SNX4: variants seen among roughly 807,000 people sequenced by gnomAD.
The protein encoded by SNX4 is sorting nexin-4.
In SNX4, 49 loss-of-function variants were observed where a neutral mutation model predicts 70.8. The observed-to-expected ratio is 0.69, with a 90% confidence interval of 0.55 to 0.88. SNX4 has a LOEUF of 0.88. SNX4 is among the 40% of genes least tolerant of loss of function. SNX4 has a pLI of 0.00. For missense variants in SNX4, 528 were observed against 544.8 expected, an observed-to-expected ratio of 0.97 and a Z score of 0.31; for synonymous variants, 206 against 183.8, an observed-to-expected ratio of 1.12 and a Z score of -0.98.
chr3:125,506,359 T>A (rs79087527), intron 1 of SNX4, among the ~76,000 whole-genome samples: 3 of 151,236 alleles, frequency 2.0e-5, no homozygotes, highest in East Asian at 1.9e-4. Context: ...TTTTTTTTTT[T>A]AGACAGAGTC....
rs147600768 is a variant in SNX4 at position 125,513,086 on chromosome 3, T to C, written c.141+6946A>G. On this transcript the variant is annotated intron_variant, in intron 1 of 13. Coordinates refer to ENST00000251775, the MANE Select transcript of SNX4 (RefSeq NM_003794.4). ...TGTTTGTGTCCTCCTAAAATGTGTA[T>C]GTTAAAATCCTAACACTCAAGGTGA... Among the ~76,000 whole-genome samples the C allele has an allele frequency of 4.4e-3, 676 of 152,294 alleles. 7 individuals are homozygous for C. The highest frequency in any genetic ancestry group is 0.016 in the African/African-American group (647 of 41,572).
rs1336727998 is a variant in SNX4, at chr3:125,497,342, T to C, written c.596A>G (p.Lys199Arg). ...ETVNETGFQL[K>R]ADSRLKALNA... is the part of the protein sequence containing the mutation. ...CAAATTTCATATAAATATTCTTACC[T>C]TCAGCTGAAACCCAGTTTCATTCAC... is the stretch of plus-strand genomic sequence containing the variant. Residue 199 changes from lysine (K) to arginine (R), a missense_variant and splice_region_variant, in exon 5 of 14, where the codon AAG becomes AGG. Lys to Arg is a conservative substitution (Grantham distance 26). Transcript: ENST00000251775. 6.2e-7 allele frequency: 1 copy of C among 1,604,398 alleles called. No individual in the cohort carries two copies. The highest frequency in any genetic ancestry group is 8.5e-7 in the Non-Finnish European group (1 of 1,172,308).
chr3:125,469,397 T>C (rs1934112135), intron 9 of SNX4, 57 bp downstream of exon 9: 2 of 1,140,556 alleles, frequency 1.8e-6, no homozygotes, highest in Non-Finnish European at 2.7e-6. Context: ...GAAGAGTCAC[T>C]AATGCTTCAC....
At chr3:125,451,819 G>T (rs943542401) in intron 12 of SNX4, among the ~76,000 whole-genome samples, 2 of 152,030 alleles carry the variant, frequency 1.3e-5, no homozygotes, top group African/African-American at 4.8e-5. Context: ...TAGAGACAGG[G>T]TTTCACCATG....
intron 12 of SNX4, 128 bp downstream of exon 12, chr3:125,453,682 A>G (rs1264879421): frequency 1.2e-6 from 1 of 831,998 alleles, no homozygotes; most frequent in Non-Finnish European, 1.7e-6. Context: ...TGCATTTTAA[A>G]GGAATAGGCT....
chr3:125,480,601 A>G (rs1055643488), intron 6 of SNX4, among the ~76,000 whole-genome samples: 2 of 152,252 alleles, frequency 1.3e-5, no homozygotes, highest in African/African-American at 4.8e-5. Flanking sequence ...TTGAAAATAC[A>G]AAACAGGAAA....
At chr3:125,485,580 G>A (rs555365915) in intron 6 of SNX4, among the ~76,000 whole-genome samples, 1 of 152,232 alleles carries the variant, frequency 6.6e-6, no homozygotes, top group African/African-American at 2.4e-5. Flanking sequence ...TTAGAGACAT[G>A]AGCCACCGTG....
chr3:125,485,306 CT>C (rs996002876), intron 6 of SNX4, among the ~76,000 whole-genome samples: 18 of 147,904 alleles, frequency 1.2e-4, no homozygotes, highest in Admixed American at 2.0e-4. Context: ...TATGGCTTTC[CT>C]TTTTTTTTTA....
At chr3:125,450,496 T>C (rs1933545439) in intron 13 of SNX4, among the ~76,000 whole-genome samples, 1 of 152,250 alleles carries the variant, frequency 6.6e-6, no homozygotes, top group Non-Finnish European at 1.5e-5. Flanking sequence ...TGAGAATTCA[T>C]CTTACCATGT....
rs114522205 is a variant in SNX4 at position 125,479,692 on chromosome 3, G to C, written c.726+555C>G. On this transcript the variant is annotated intron_variant, in intron 7 of 13. Transcript: ENST00000251775. ...CATGTTCTAAGGTTCCTTCTAGGTTGCCACAAGAGACCAGAGCGGATGGTA... is the reference window on the plus strand; with the variant it reads ...CATGTTCTAAGGTTCCTTCTAGGTTCCCACAAGAGACCAGAGCGGATGGTA... Among the ~76,000 whole-genome samples, 871 of 152,186 alleles carry C rather than the reference G, an allele frequency of 5.7e-3. 8 individuals are homozygous for C. Among genetic ancestry groups the C allele is most frequent in the Middle Eastern group, 0.027 (8 of 294 alleles).
chr3:125,463,819 T>C (rs1579978977), intron 9 of SNX4, among the ~76,000 whole-genome samples: 2 of 152,208 alleles, frequency 1.3e-5, no homozygotes, highest in African/African-American at 4.8e-5. Context: ...GATCTATTTT[T>C]TGTCTTTTTG....
In SNX4 at chr3:125,462,158, C is replaced by T. The variant is rs144246306; in HGVS notation, c.855-1298G>A. On this transcript the variant is annotated intron_variant, in intron 9 of 13. Coordinates refer to ENST00000251775, the MANE Select transcript of SNX4 (RefSeq NM_003794.4). ...TAGTCTTTAGTCATCATTCTACTTTCGTTCCCTTATCAACAATTTGAACTT... is the reference window on the plus strand; with the variant it reads ...TAGTCTTTAGTCATCATTCTACTTTTGTTCCCTTATCAACAATTTGAACTT... Among the ~76,000 whole-genome samples, 19 of 152,276 alleles carry T rather than the reference C, an allele frequency of 1.2e-4. No individual in the cohort carries two copies. In the East Asian group the frequency reaches 2.5e-3, roughly 20 times the overall value.
chr3:125,451,122 A>T (rs1414265218), intron 13 of SNX4, among the ~76,000 whole-genome samples, 183 bp downstream of exon 13: 2 of 152,184 alleles, frequency 1.3e-5, no homozygotes, highest in East Asian at 1.9e-4. Context: ...AATATTTAAA[A>T]TTTTAAAATA....
At chr3:125,465,269 G>C (rs1559811997) in intron 9 of SNX4, among the ~76,000 whole-genome samples, 1 of 150,336 alleles carries the variant, frequency 6.7e-6, no homozygotes, top group Non-Finnish European at 1.5e-5. Context: ...GGTGGGGACA[G>C]AGTTTCACTC....
intron 9 of SNX4, 30 bp from the exon 10 acceptor site, chr3:125,460,890 TAG>T (rs1933866358): frequency 9.0e-7 from 1 of 1,110,078 alleles, no homozygotes; most frequent in Non-Finnish European, 1.3e-6. Context: ...ACACATTGCA[TAG>T]AGTTACTTTC....
intron 6 of SNX4, among the ~76,000 whole-genome samples, chr3:125,482,436 T>A (rs1934433588): frequency 6.6e-6 from 1 of 152,066 alleles, no homozygotes; most frequent in Admixed American, 6.6e-5. Flanking sequence ...TGATTCTACC[T>A]CCTAAACATT....
Position 125,515,123 on chromosome 3 carries a change from G to A in SNX4, c.141+4909C>T, listed in dbSNP as rs899775264. On this transcript the variant is annotated intron_variant, in intron 1 of 13. Transcript: ENST00000251775. The stretch of plus-strand genomic sequence containing the variant: ...TTTGCTTTGAGAGGCCAAGGCAGGA[G>A]GACTGCTTGAGGCCAAGAGTTCGAG... Among the ~76,000 whole-genome samples the A allele has an allele frequency of 3.9e-5, 6 of 152,124 alleles. No homozygotes were observed. In the South Asian group the frequency reaches 6.2e-4, roughly 16 times the overall value.
chr3:125,454,660 T>TA (rs1933663746), intron 11 of SNX4, among the ~76,000 whole-genome samples: 1 of 152,212 alleles, frequency 6.6e-6, no homozygotes, highest in Non-Finnish European at 1.5e-5. Flanking sequence ...TCACTGAAGA[T>TA]ACTGAGGGAT....
At chr3:125,462,310 C>G (rs1196514438) in intron 9 of SNX4, among the ~76,000 whole-genome samples, 1 of 151,938 alleles carries the variant, frequency 6.6e-6, no homozygotes, top group African/African-American at 2.4e-5. Context: ...AATCTAGTGA[C>G]AAGAGAAAAC....
Sources: gnomAD v4.1 joint callset for allele counts (sites outside exome capture counted in the v4.1 genomes callset) on GRCh38, gnomAD v4.1.1 for gene constraint, MANE v1.5 for transcripts, NCBI Gene and HGNC (gene_info 2026-07-23, HGNC 2026-07-21) for gene names.